Variants in IGF1R observed in about 807,000 individuals in gnomAD.
IGF1R encodes the protein insulin-like growth factor 1 receptor.
Under a neutral mutation model 144.6 loss-of-function variants are expected in IGF1R, and 44 were observed. The observed-to-expected ratio is 0.30, with a 90% CI of 0.24 to 0.39. The LOEUF is 0.39. Ranked by LOEUF, IGF1R falls within the 10% of genes least tolerant of loss-of-function variation. The pLI is 1.00. For synonymous variants in IGF1R, 795 were observed against 722.8 expected, an observed-to-expected ratio of 1.10 and a Z score of -1.60; for missense variants, 1,355 against 1,833.7, an observed-to-expected ratio of 0.74 and a Z score of 4.77.
At chr15:98,656,412 G>C (rs2052485801) in intron 1 of IGF1R, among the ~76,000 whole-genome samples, 1 of 152,214 alleles carries the variant, frequency 6.6e-6, no homozygotes, top group African/African-American at 2.4e-5. Flanking sequence ...AACCGGGCGT[G>C]GTGGCCCGTG....
intron 2 of IGF1R, among the ~76,000 whole-genome samples, chr15:98,853,033 TG>T (rs1180760301): frequency 2.6e-5 from 4 of 152,226 alleles, no homozygotes; most frequent in African/African-American, 7.2e-5. Flanking sequence ...AGATCGATTT[TG>T]ATTAGCAACA....
intron 2 of IGF1R, among the ~76,000 whole-genome samples, chr15:98,766,761 A>G (rs1432655468): frequency 6.6e-6 from 1 of 152,224 alleles, no homozygotes; most frequent in African/African-American, 2.4e-5. Context: ...GACAGCAGAA[A>G]CAGCACCACC....
chr15:98,962,177 C>T lies in IGF1R; in HGVS notation c.*4735C>T, dbSNP rs953371291. 24 of 233,224 alleles carry T rather than the reference C, an allele frequency of 1.0e-4. No homozygotes were observed. The highest frequency in any genetic ancestry group is 1.5e-4 in the Non-Finnish European group (18 of 118,084). 14.4% of individuals were successfully genotyped at this position (233,224 alleles called of 1,614,324 possible). ...GCTTGTCTAGTGTTCTTAGCTGTCA[C>T]GTTGGCTCCTTCCAGGGTGGCCAGA... On this transcript the variant is annotated 3_prime_UTR_variant, in exon 21 of 21. Coordinates refer to ENST00000650285, the MANE Select transcript of IGF1R (RefSeq NM_000875.5).
At chr15:98,906,689 A>T (rs566031587) in intron 5 of IGF1R, among the ~76,000 whole-genome samples, 1 of 152,204 alleles carries the variant, frequency 6.6e-6, no homozygotes, top group African/African-American at 2.4e-5. Context: ...GATCATTTGG[A>T]CAATGTCTTA....
Position 98,916,806 on chromosome 15 carries a change from GC to G in IGF1R, c.2133del (p.Glu712ArgfsTer127), listed in dbSNP as rs769387141. ...CCCCAAAACTGAAGCCGAGAAGCAG[GC>G]CGAGAAGGAGGAGGCTGAATACCGC... ...ACPKTEAEKQ[A>X]EKEEAEYRKV... On this transcript the variant is annotated frameshift_variant, in exon 10 of 21. Coordinates refer to ENST00000650285, the MANE Select transcript of IGF1R (RefSeq NM_000875.5). LOFTEE classifies it high-confidence loss of function. The G allele has an allele frequency of 6.2e-7, 1 of 1,614,104 alleles. No homozygotes were observed. Among genetic ancestry groups the G allele is most frequent in the South Asian group, 1.1e-5 (1 of 91,080 alleles).
intron 1 of IGF1R, among the ~76,000 whole-genome samples, chr15:98,673,063 T>G (rs147860459): frequency 3.7e-4 from 56 of 152,298 alleles, no homozygotes; most frequent in African/African-American, 1.3e-3. Context: ...GGTGTGATCA[T>G]GGCTCACTGT....
At chr15:98,734,944 C>G (rs1351211024) in intron 2 of IGF1R, among the ~76,000 whole-genome samples, 1 of 152,192 alleles carries the variant, frequency 6.6e-6, no homozygotes, top group Non-Finnish European at 1.5e-5. Flanking sequence ...GACTCTATCA[C>G]TCTACTTTCA....
intron 1 of IGF1R, among the ~76,000 whole-genome samples, chr15:98,692,530 C>T (rs1300130729): frequency 6.6e-6 from 1 of 152,124 alleles, no homozygotes; most frequent in African/African-American, 2.4e-5. Context: ...TCTTAGTGTG[C>T]ATTTCTCTAA....
At position 98,935,455 on chromosome 15, in the gene IGF1R, T is replaced by C; in HGVS notation, c.3297+29T>C. The C allele has an allele frequency of 1.6e-6, 2 of 1,248,878 alleles. No homozygotes were observed. The highest frequency in any genetic ancestry group is 2.3e-6 in the Non-Finnish European group (2 of 870,186). The allele number at this position is 1,248,878 out of a possible 1,614,324, so 77.4% of individuals were successfully genotyped here. A position where few individuals can be genotyped will look rare whatever the true frequency, so the allele number is the denominator to read the frequency against. On this transcript the variant is annotated intron_variant, in intron 17 of 20. Coordinates refer to ENST00000650285, the MANE Select transcript of IGF1R (RefSeq NM_000875.5). The surrounding 1 kb of genome is among the most constrained non-coding windows in gnomAD (Gnocchi z 4.2). ...AGTTTTCATTTCCACCGGTATTGCA[T>C]GTTGCCTGGCCTGCTCTCTTTTCCT...
At chr15:98,784,904 G>T (rs550558085) in intron 2 of IGF1R, among the ~76,000 whole-genome samples, 1 of 152,266 alleles carries the variant, frequency 6.6e-6, no homozygotes, top group South Asian at 2.1e-4. Flanking sequence ...TTTTGTATCC[G>T]TGGGAGTCCT....
At position 98,961,680 on chromosome 15, in the gene IGF1R, C is replaced by G. The variant is rs1355499218; in HGVS notation, c.*4238C>G. On this transcript the variant is annotated 3_prime_UTR_variant, in exon 21 of 21. Coordinates refer to ENST00000650285, the MANE Select transcript of IGF1R (RefSeq NM_000875.5). ...TGATGTGAGCATTAAGACGTTCTCC[C>G]ACACAGCCCTTCCCTGAGGCAGCAG... 8.6e-6 allele frequency: 2 copies of G among 233,616 alleles called. No individual in the cohort carries two copies. The highest frequency in any genetic ancestry group is 4.4e-5 in the African/African-American group (2 of 45,344). 14.5% of individuals were successfully genotyped at this position (233,616 alleles called of 1,614,324 possible). A position where few individuals can be genotyped will look rare whatever the true frequency, so the allele number is the denominator to read the frequency against.
chr15:98,938,138 G>C (rs1298970200), intron 17 of IGF1R, among the ~76,000 whole-genome samples: 1 of 152,248 alleles, frequency 6.6e-6, no homozygotes, highest in Admixed American at 6.5e-5. Context: ...ACTGGGCATT[G>C]ACTATGTGCC....
chr15:98,879,015 G>A (rs955548284), intron 2 of IGF1R, among the ~76,000 whole-genome samples: 2 of 152,074 alleles, frequency 1.3e-5, no homozygotes, highest in East Asian at 1.9e-4. Context: ...AAAAATAGGG[G>A]GGATGTGGGT....
rs574422885 is a variant in IGF1R at position 98,959,368 on chromosome 15, G to A, written c.*1926G>A. On this transcript the variant is annotated 3_prime_UTR_variant, in exon 21 of 21. Coordinates refer to ENST00000650285, the MANE Select transcript of IGF1R (RefSeq NM_000875.5). ...TCCGGCAGGGCCTGTTGTGGCCCTC[G>A]CCACCCCCCTCACCGGACCGACTGA... is the stretch of plus-strand genomic sequence containing the variant. The A allele has an allele frequency of 4.7e-5, 11 of 233,610 alleles. No homozygotes were observed. Among genetic ancestry groups the A allele is most frequent in the East Asian group, 1.2e-4 (2 of 16,580 alleles). The allele number at this position is 233,610 out of a possible 1,614,324, so 14.5% of individuals were successfully genotyped here.
chr15:98,912,941 A>G (rs45606637), intron 7 of IGF1R, 103 bp from the exon 8 acceptor site: 41 of 760,574 alleles, frequency 5.4e-5, no homozygotes, highest in Non-Finnish European at 9.3e-5. Context: ...GTTTATTTAG[A>G]CCTCCCATTA....
At chr15:98,668,719 G>A (rs1384485687) in intron 1 of IGF1R, among the ~76,000 whole-genome samples, 1 of 152,174 alleles carries the variant, frequency 6.6e-6, no homozygotes, top group Admixed American at 6.5e-5. Flanking sequence ...TTCCATGTAA[G>A]TACATTCCTC....
At chr15:98,868,827 A>G (rs1356615833) in intron 2 of IGF1R, among the ~76,000 whole-genome samples, 1 of 152,162 alleles carries the variant, frequency 6.6e-6, no homozygotes, top group Non-Finnish European at 1.5e-5. Flanking sequence ...GTACCTTCCT[A>G]CTACTACTAA....
chr15:98,882,601 A>G (rs1241784855), intron 2 of IGF1R, among the ~76,000 whole-genome samples: 1 of 152,194 alleles, frequency 6.6e-6, no homozygotes, highest in African/African-American at 2.4e-5. Flanking sequence ...CTGCCTTTGC[A>G]TGCCATAAAG....
At chr15:98,866,388 T>C (rs777599211) in intron 2 of IGF1R, among the ~76,000 whole-genome samples, 2 of 152,190 alleles carry the variant, frequency 1.3e-5, no homozygotes, top group Admixed American at 6.5e-5. Flanking sequence ...TCACCTTTAT[T>C]AAAATGCAGT....
Sources: gnomAD v4.1 joint callset for allele counts (sites outside exome capture counted in the v4.1 genomes callset) on GRCh38, gnomAD v4.1.1 for gene constraint, Gnocchi (gnomAD v3.1) non-coding constraint, MANE v1.5 for transcripts, NCBI Gene and HGNC (gene_info 2026-07-23, HGNC 2026-07-21) for gene names.